PCDHGC3: variants seen among roughly 807,000 people sequenced by gnomAD.
The protein encoded by PCDHGC3 is protocadherin gamma-C3.
In PCDHGC3, 26 loss-of-function variants were observed where a neutral mutation model predicts 59.2. The observed-to-expected ratio is 0.44, with a 90% CI of 0.32 to 0.61. The LOEUF (loss-of-function observed/expected upper bound fraction) is 0.61. Ranked by LOEUF, PCDHGC3 falls within the 20% of genes least tolerant of loss-of-function variation. PCDHGC3 has a pLI of 0.05. For synonymous variants in PCDHGC3, 487 were observed against 519.7 expected (o/e 0.94, Z 0.86); for missense variants, 1,080 against 1,221.8 (o/e 0.88, Z 1.73).
At position 141,477,910 on chromosome 5, in the gene PCDHGC3, G is replaced by C. The variant is rs766164142; in HGVS notation, c.1794G>C (p.Ala598=). ...TGTCACGGGTGGTAGGCTGGGACGC[G>C]GATGCAGGGCACAATGCCTGGCTCT... ...HLVSRVVGWD[A]DAGHNAWLSY... The change falls in exon 1 of 4, where the codon GCG becomes GCC. Residue 598 remains alanine, a synonymous_variant. Coordinates refer to ENST00000308177, the MANE Select transcript of PCDHGC3 (RefSeq NM_002588.4). This position sits in a 1 kb window ranked among gnomAD's most constrained non-coding sequence, Gnocchi z 4.9. 3 of 1,614,168 alleles carry C rather than the reference G, an allele frequency of 1.9e-6. No homozygotes were observed. Among genetic ancestry groups the C allele is most frequent in the Non-Finnish European group, 2.5e-6 (3 of 1,180,032 alleles).
In PCDHGC3 at chr5:141,490,363, C is replaced by G; in HGVS notation, c.2431-4444C>G. 3 of 1,614,154 alleles carry G rather than the reference C, an allele frequency of 1.9e-6. No homozygotes were observed. Among genetic ancestry groups the G allele is most frequent in the Non-Finnish European group, 2.5e-6 (3 of 1,180,032 alleles). On this transcript the variant is annotated intron_variant, in intron 1 of 3. Transcript: ENST00000308177. This position sits in a 1 kb window ranked among gnomAD's most constrained non-coding sequence, Gnocchi z 5.4. ...CACAGTAGTGGGGTTGTTTAATGTGCGAGACCGGGACTCAGGTAGAAATGG... is the reference window on the plus strand; with the variant it reads ...CACAGTAGTGGGGTTGTTTAATGTGGGAGACCGGGACTCAGGTAGAAATGG...
chr5:141,504,379 G>T (rs181617363), intron 2 of PCDHGC3, among the ~76,000 whole-genome samples: 1 of 152,088 alleles, frequency 6.6e-6, no homozygotes, highest in African/African-American at 2.4e-5. Context: ...AGGTGGAGTC[G>T]CTGCCTCACA....
In PCDHGC3 at chr5:141,477,250, C is replaced by G; in HGVS notation, c.1134C>G (p.Asp378Glu). 6.2e-7 allele frequency: 1 copy of G among 1,614,190 alleles called. No homozygotes were observed. The highest frequency in any genetic ancestry group is 8.5e-7 in the Non-Finnish European group (1 of 1,180,040). Residue 378 changes from aspartate to glutamate, a missense_variant, in exon 1 of 4, where the codon GAC becomes GAG. Coordinates refer to ENST00000308177, the MANE Select transcript of PCDHGC3 (RefSeq NM_002588.4). The surrounding 1 kb of genome is among the most constrained non-coding windows in gnomAD (Gnocchi z 4.9). ...TCATCGCTTTGCTCAGTGTGACTGA[C>G]CTGGATGCTGGCGAGAACGGGCTGG... ...GTVIALLSVT[D>E]LDAGENGLVT...
chr5:141,500,189 TTTATTTATTTATTTATTTA>T (rs2099797567), intron 2 of PCDHGC3, among the ~76,000 whole-genome samples: 1 of 110,894 alleles, frequency 9.0e-6, no homozygotes, highest in Non-Finnish European at 1.8e-5. Flanking sequence ...TTTATTTTTA[TTTATTTATTTATTTATTTA>T]TTTATTTATT....
At position 141,512,350 on chromosome 5, in the gene PCDHGC3, G is replaced by C. The variant is rs1406428686; in HGVS notation, c.*1177G>C. ...CCATTCTTAGTCCCTGGGTTGGGGA[G>C]GCAGGGAGCTAGGGCAGGGACCAAA... is the stretch of plus-strand genomic sequence containing the variant. On this transcript the variant is annotated 3_prime_UTR_variant, in exon 4 of 4. Transcript: ENST00000308177. The C allele has an allele frequency of 6.5e-6, 1 of 152,906 alleles. No homozygotes were observed. The highest frequency in any genetic ancestry group is 1.9e-4 in the East Asian group (1 of 5,208). 9.5% of individuals were successfully genotyped at this position (152,906 alleles called of 1,614,324 possible).
chr5:141,482,288 C>G (rs1413786764), intron 1 of PCDHGC3, among the ~76,000 whole-genome samples: 1 of 152,078 alleles, frequency 6.6e-6, no homozygotes, highest in Non-Finnish European at 1.5e-5. Context: ...GTCTTTTAAT[C>G]TCTTTAAACT....
intron 1 of PCDHGC3, among the ~76,000 whole-genome samples, chr5:141,492,762 T>C (rs917580804): frequency 2.6e-5 from 4 of 152,206 alleles, no homozygotes; most frequent in African/African-American, 9.6e-5. Flanking sequence ...GGGCTCCGCG[T>C]TGGGCGAGTG....
chr5:141,495,080 G>A (rs73794925), intron 2 of PCDHGC3, among the ~76,000 whole-genome samples: 1 of 152,258 alleles, frequency 6.6e-6, no homozygotes, highest in African/African-American at 2.4e-5. Flanking sequence ...TCACATGCTT[G>A]CCCCTTCCCT....
Position 141,490,748 on chromosome 5 carries a change from C to A in PCDHGC3, c.2431-4059C>A. 3.1e-6 allele frequency: 5 copies of A among 1,614,168 alleles called. No individual in the cohort carries two copies. Among genetic ancestry groups the A allele is most frequent in the Non-Finnish European group, 3.4e-6 (4 of 1,180,006 alleles). ...GGAAATCAGGTTCAGGGAGCCCCAGCCTCCTCCTTTGTGTATGTCAACCCA... is the reference window on the plus strand; with the variant it reads ...GGAAATCAGGTTCAGGGAGCCCCAGACTCCTCCTTTGTGTATGTCAACCCA... On this transcript the variant is annotated intron_variant, in intron 1 of 3. Transcript: ENST00000308177. This position sits in a 1 kb window ranked among gnomAD's most constrained non-coding sequence, Gnocchi z 5.4.
intron 2 of PCDHGC3, among the ~76,000 whole-genome samples, chr5:141,496,419 C>T (rs1292183963): frequency 6.6e-6 from 1 of 152,174 alleles, no homozygotes; most frequent in Non-Finnish European, 1.5e-5. Flanking sequence ...TACTTGCTGT[C>T]CACATTTGCC....
Position 141,477,304 on chromosome 5 carries a change from T to C in PCDHGC3, c.1188T>C (p.Pro396=). The C allele has an allele frequency of 6.2e-7, 1 of 1,614,160 alleles. No individual in the cohort carries two copies. Among genetic ancestry groups the C allele is most frequent in the Non-Finnish European group, 8.5e-7 (1 of 1,180,030 alleles). ...CCTGCGAAGTTCCACCGGGTCTCCCTTTCAGCCTTACTTCTTCCCTCAAGA... is the reference window on the plus strand; with the variant it reads ...CCTGCGAAGTTCCACCGGGTCTCCCCTTCAGCCTTACTTCTTCCCTCAAGA... ...LVTCEVPPGL[P]FSLTSSLKNY... Residue 396 remains proline, a synonymous_variant, in exon 1 of 4, where the codon CCT becomes CCC. Transcript: ENST00000308177. This position sits in a 1 kb window ranked among gnomAD's most constrained non-coding sequence, Gnocchi z 4.9.
intron 2 of PCDHGC3, among the ~76,000 whole-genome samples, chr5:141,496,207 T>C (rs973745475): frequency 6.6e-6 from 1 of 152,134 alleles, no homozygotes; most frequent in Non-Finnish European, 1.5e-5. Flanking sequence ...CAATCTGGTA[T>C]GAATTCCTGC....
intron 3 of PCDHGC3, chr5:141,508,084 T>A (rs1422530110): frequency 6.6e-6 from 1 of 152,432 alleles, no homozygotes; most frequent in East Asian, 1.9e-4. Flanking sequence ...CTGGAGTTGC[T>A]GCCTTGGCCC....
intron 2 of PCDHGC3, among the ~76,000 whole-genome samples, chr5:141,495,811 G>A (rs1164360438): frequency 1.3e-5 from 2 of 151,710 alleles, no homozygotes; most frequent in Admixed American, 1.3e-4. Flanking sequence ...GTTTCCTAGC[G>A]CCTTGTGTTC....
rs768074414 is a variant in PCDHGC3 at position 141,477,293 on chromosome 5, C to T, written c.1177C>T (p.Pro393Ser). 8.1e-6 allele frequency: 13 copies of T among 1,614,180 alleles called. No homozygotes were observed. The highest frequency in any genetic ancestry group is 1.1e-5 in the Non-Finnish European group (13 of 1,180,036). ...CGGGCTGGTGACCTGCGAAGTTCCA[C>T]CGGGTCTCCCTTTCAGCCTTACTTC... ...ENGLVTCEVP[P>S]GLPFSLTSSL... is the part of the protein sequence containing the mutation. The change falls in exon 1 of 4, where the codon CCG becomes TCG. Residue 393 changes from proline (P) to serine (S), a missense_variant. Coordinates refer to ENST00000308177, the MANE Select transcript of PCDHGC3 (RefSeq NM_002588.4). This position sits in a 1 kb window ranked among gnomAD's most constrained non-coding sequence, Gnocchi z 4.9.
At chr5:141,498,796 G>A (rs1160540093) in intron 2 of PCDHGC3, among the ~76,000 whole-genome samples, 1 of 152,032 alleles carries the variant, frequency 6.6e-6, no homozygotes, top group Non-Finnish European at 1.5e-5. Context: ...AGCCAGGTGT[G>A]GTGGTGCACA....
In PCDHGC3 at chr5:141,511,618, T is replaced by C. The variant is rs1227028784; in HGVS notation, c.*445T>C. 4.3e-6 allele frequency: 1 copy of C among 232,232 alleles called. No homozygotes were observed. Among genetic ancestry groups the C allele is most frequent in the East Asian group, 9.9e-5 (1 of 10,122 alleles). 14.4% of individuals were successfully genotyped at this position (232,232 alleles called of 1,614,324 possible). A position where few individuals can be genotyped will look rare whatever the true frequency, so the allele number is the denominator to read the frequency against. ...AAGTAACCTACAAGCCTCCTAGTTCTGAAAAGTTGGAAGGGCATCATGACC... is the reference window on the plus strand; with the variant it reads ...AAGTAACCTACAAGCCTCCTAGTTCCGAAAAGTTGGAAGGGCATCATGACC... On this transcript the variant is annotated 3_prime_UTR_variant, in exon 4 of 4. Transcript: ENST00000308177.
intron 1 of PCDHGC3, among the ~76,000 whole-genome samples, chr5:141,483,993 G>T (rs1307708919): frequency 6.8e-6 from 1 of 147,882 alleles, no homozygotes; most frequent in Non-Finnish European, 1.5e-5. Flanking sequence ...AGGTTGCTGG[G>T]AGGTCTGGAT....
In PCDHGC3 at chr5:141,489,750, C is replaced by T. The variant is rs753217170; in HGVS notation, c.2431-5057C>T. On this transcript the variant is annotated intron_variant, in intron 1 of 3. Coordinates refer to ENST00000308177, the MANE Select transcript of PCDHGC3 (RefSeq NM_002588.4). The surrounding 1 kb of genome is among the most constrained non-coding windows in gnomAD (Gnocchi z 4.5). ...TGGGCACCAATACTGTGAGCTTTTA[C>T]ACTCTAAGCCCCAACAGCCACTTCT... 1.2e-6 allele frequency: 2 copies of T among 1,614,098 alleles called. No homozygotes were observed. Among genetic ancestry groups the T allele is most frequent in the Admixed American group, 3.3e-5 (2 of 60,022 alleles).
Sources: allele counts gnomAD v4.1 joint callset (sites outside exome capture counted in the v4.1 genomes callset), GRCh38; gene constraint gnomAD v4.1.1; non-coding constraint Gnocchi (gnomAD v3.1); transcripts MANE v1.5; gene names NCBI Gene and HGNC (gene_info 2026-07-23, HGNC 2026-07-21).